The following HPSE2 variants were observed in gnomAD, a reference collection of about 807,000 sequenced individuals.
The protein encoded by HPSE2 is inactive heparanase-2.
HPSE2 carries 38 observed loss-of-function variants against 60.5 expected under a neutral mutation model. That is an observed-to-expected ratio of 0.63 (90% confidence interval 0.48 to 0.82). The LOEUF (loss-of-function observed/expected upper bound fraction) is 0.82. HPSE2 is among the 40% of genes least tolerant of loss of function. The pLI is 0.00. For missense variants in HPSE2, 713 were observed against 740.4 expected, an observed-to-expected ratio of 0.96 and a Z score of 0.43; for synonymous variants, 295 against 293.2, an observed-to-expected ratio of 1.01 and a Z score of -0.06.
In HPSE2 at chr10:98,740,482, C is replaced by A. The variant is rs76952625; in HGVS notation, c.784+3401G>T. Among the ~76,000 whole-genome samples, 799 of 152,156 alleles carry A rather than the reference C, an allele frequency of 5.3e-3. 8 individuals carry two copies. Among genetic ancestry groups the A allele is most frequent in the African/African-American group, 0.018 (738 of 41,504 alleles). ...GCAACCATGCCTGGCCGAAGAAAGT[C>A]ATTCTTTCATATTCTTTAACATCCT... On this transcript the variant is annotated intron_variant, in intron 4 of 11. Transcript: ENST00000370552.
chr10:98,580,863 T>A (rs12257622), intron 9 of HPSE2, among the ~76,000 whole-genome samples: 52,329 of 141,528 alleles, frequency 0.37, 12,040 homozygotes, highest in Admixed American at 0.49. Flanking sequence ...TGTGTGTGTG[T>A]GATAAACATG....
At position 99,042,667 on chromosome 10, in the gene HPSE2, G is replaced by A. The variant is rs75964840; in HGVS notation, c.610+101571C>T. 9.0e-4 allele frequency among the ~76,000 whole-genome samples: 137 copies of A among 152,116 alleles called. 1 individual carries two copies. In the East Asian group the frequency reaches 0.022, roughly 24 times the overall value. On this transcript the variant is annotated intron_variant, in intron 3 of 11. Transcript: ENST00000370552. ...CATGCCTCCCTCGGAAGGGCCCACC[G>A]AGAAAGGTGTGGCTTATCTCTGCCA...
At chr10:99,038,849 T>C (rs1957669990) in intron 3 of HPSE2, among the ~76,000 whole-genome samples, 1 of 152,154 alleles carries the variant, frequency 6.6e-6, no homozygotes, top group African/African-American at 2.4e-5. Flanking sequence ...ATAAGTTTAA[T>C]ATCCTCTACC....
intron 3 of HPSE2, among the ~76,000 whole-genome samples, chr10:98,761,630 T>C (rs1950005892): frequency 6.6e-6 from 1 of 152,154 alleles, no homozygotes; most frequent in Non-Finnish European, 1.5e-5. Flanking sequence ...TCAACCAATA[T>C]GGAGTAAGCC....
intron 9 of HPSE2, among the ~76,000 whole-genome samples, chr10:98,564,283 C>T (rs1465458692): frequency 1.3e-5 from 2 of 152,188 alleles, no homozygotes; most frequent in Admixed American, 6.5e-5. Context: ...CTGTCTTTGC[C>T]ATTAACTTGA....
chr10:98,479,893 TC>T (rs1303706500), intron 11 of HPSE2, among the ~76,000 whole-genome samples: 1 of 152,190 alleles, frequency 6.6e-6, no homozygotes, highest in Non-Finnish European at 1.5e-5. Flanking sequence ...CTCATAATAA[TC>T]CCATTTGACA....
In HPSE2 at chr10:98,606,671, AAGTT is replaced by A. The variant is rs201453723; in HGVS notation, c.1320+8229_1320+8232del. 5.3e-3 allele frequency among the ~76,000 whole-genome samples: 810 copies of A among 152,334 alleles called. 8 individuals are homozygous for A. The highest frequency in any genetic ancestry group is 0.018 in the African/African-American group (763 of 41,582). ...ATAAGCAGAGATTGATAATAATTGA[AAGTT>A]AGTAAGTGAGGTATCTAATGACTGA... On this transcript the variant is annotated intron_variant, in intron 9 of 11. Transcript: ENST00000370552.
chr10:98,725,935 G>C (rs1949065195), intron 4 of HPSE2, among the ~76,000 whole-genome samples: 1 of 152,216 alleles, frequency 6.6e-6, no homozygotes, highest in Non-Finnish European at 1.5e-5. Flanking sequence ...ATCACAATGA[G>C]ATACCATCTC....
At chr10:98,877,194 T>C (rs1436883972) in intron 3 of HPSE2, among the ~76,000 whole-genome samples, 2 of 151,944 alleles carry the variant, frequency 1.3e-5, no homozygotes, top group Non-Finnish European at 2.9e-5. Flanking sequence ...TCCTGAGTGA[T>C]GGAAAGCTTG....
At chr10:99,248,262 G>C in the HPSE2 span, among the ~76,000 whole-genome samples, 1 of 152,318 alleles carries the variant, frequency 6.6e-6, no homozygotes, top group South Asian at 2.1e-4. Context: ...TAGTGATATG[G>C]ACAATGAAGT....
At chr10:98,808,730 G>C (rs529621336) in intron 3 of HPSE2, among the ~76,000 whole-genome samples, 1 of 152,146 alleles carries the variant, frequency 6.6e-6, no homozygotes, top group East Asian at 1.9e-4. Flanking sequence ...CTCAAATACA[G>C]CTCACATTTC....
chr10:99,258,780 CT>C, the HPSE2 span, among the ~76,000 whole-genome samples: 4 of 152,122 alleles, frequency 2.6e-5, no homozygotes, highest in Admixed American at 1.3e-4. Flanking sequence ...AAAGGGTTGC[CT>C]TTTTAACAAA....
chr10:98,623,960 G>A (rs1413511953), intron 7 of HPSE2, among the ~76,000 whole-genome samples: 1 of 152,146 alleles, frequency 6.6e-6, no homozygotes, highest in African/African-American at 2.4e-5. Context: ...TGCCTAGGGA[G>A]AATATATAAA....
At chr10:98,997,629 A>T (rs967718813) in intron 3 of HPSE2, among the ~76,000 whole-genome samples, 4 of 152,228 alleles carry the variant, frequency 2.6e-5, no homozygotes, top group African/African-American at 9.6e-5. Flanking sequence ...CAATTTAAGA[A>T]TATACAAATA....
intron 9 of HPSE2, among the ~76,000 whole-genome samples, chr10:98,588,898 C>T (rs1945011020): frequency 6.6e-6 from 1 of 152,122 alleles, no homozygotes; most frequent in South Asian, 2.1e-4. Flanking sequence ...GAGTTCAAAA[C>T]TCGACAAAAC....
At chr10:98,798,390 C>T (rs1017613237) in intron 3 of HPSE2, among the ~76,000 whole-genome samples, 2 of 151,992 alleles carry the variant, frequency 1.3e-5, no homozygotes, top group Admixed American at 6.6e-5. Context: ...TTGAAAGGTA[C>T]AAAACTCAAT....
chr10:98,978,147 A>G (rs1251588892), intron 3 of HPSE2, among the ~76,000 whole-genome samples: 3 of 152,150 alleles, frequency 2.0e-5, no homozygotes, highest in Non-Finnish European at 4.4e-5. Flanking sequence ...CAGATTTGTT[A>G]TGCAAATGTT....
intron 3 of HPSE2, among the ~76,000 whole-genome samples, chr10:98,865,406 C>T (rs1410264552): frequency 6.6e-6 from 1 of 151,988 alleles, no homozygotes; most frequent in Admixed American, 6.6e-5. Flanking sequence ...CATCAGACAA[C>T]AAAGGACAGT....
chr10:98,788,644 G>C (rs548347586), intron 3 of HPSE2, among the ~76,000 whole-genome samples: 1 of 152,154 alleles, frequency 6.6e-6, no homozygotes, highest in African/African-American at 2.4e-5. Flanking sequence ...ATATCGTCTC[G>C]TGGTGCGCTG....
Sources: gnomAD v4.1 joint callset for allele counts (sites outside exome capture counted in the v4.1 genomes callset) on GRCh38, gnomAD v4.1.1 for gene constraint, MANE v1.5 for transcripts, NCBI Gene and HGNC (gene_info 2026-07-23, HGNC 2026-07-21) for gene names.